NOP2: variants seen among roughly 807,000 people sequenced by gnomAD.
NOP2 encodes 28S rRNA (cytosine(4447)-C(5))-methyltransferase.
In NOP2, 7 loss-of-function variants were observed where a neutral mutation model predicts 72.7. The ratio of observed to expected loss-of-function variants is 0.10; its 90% CI spans 0.05 to 0.18. NOP2 has a LOEUF of 0.18. Ranked by LOEUF, NOP2 falls within the 10% of genes least tolerant of loss-of-function variation. The probability of loss-of-function intolerance (pLI) is 1.00; values close to 1 mark genes in which losing one functional copy is unlikely to be tolerated. For synonymous variants in NOP2, 387 were observed against 388.0 expected, an observed-to-expected ratio of 1.00 and a Z score of 0.03; for missense variants, 954 against 1,014.7, an observed-to-expected ratio of 0.94 and a Z score of 0.81.
At chr12:6,558,656 C>T (rs540755146) in intron 15 of NOP2, among the ~76,000 whole-genome samples, 95 of 148,982 alleles carry the variant, frequency 6.4e-4, no homozygotes, top group African/African-American at 2.3e-3. Flanking sequence ...GTTGCCCAGG[C>T]TGGAGTACAG....
rs1947518918 is a variant in NOP2, at chr12:6,557,452, T to C, written c.1980A>G (p.Glu660=). 6.2e-7 allele frequency: 1 copy of C among 1,613,910 alleles called. No homozygotes were observed. The highest frequency in any genetic ancestry group is 1.3e-5 in the African/African-American group (1 of 74,932). The change falls in exon 16 of 16, where the codon GAA becomes GAG. Residue 660 remains glutamate, a synonymous_variant. Transcript: ENST00000322166. ...LNGISKGADS[E]LSTVPSVTKT... ...TTGTGACAGAAGGTACAGTGGACAA[T>C]TCTGAGTCTGCCCCTTTGGAGATGC...
intron 2 of NOP2, 132 bp downstream of exon 2, chr12:6,567,684 C>G: frequency 1.5e-6 from 1 of 688,008 alleles, no homozygotes; most frequent in East Asian, 2.8e-5. Context: ...CTGTTTCATT[C>G]ATACCTCCTA....
intron 5 of NOP2, among the ~76,000 whole-genome samples, chr12:6,564,601 G>C (rs557412389): frequency 1.3e-5 from 2 of 152,034 alleles, no homozygotes; most frequent in African/African-American, 4.8e-5. Context: ...CTAATTTTTT[G>C]TATTTTTAGC....
Position 6,568,273 on chromosome 12 carries a change from T to G in NOP2, c.-71A>C, listed in dbSNP as rs1947844065. 1 of 202,710 alleles carries G rather than the reference T, an allele frequency of 4.9e-6. No individual in the cohort carries two copies. The highest frequency in any genetic ancestry group is 1.0e-5 in the Non-Finnish European group (1 of 99,584). 12.6% of individuals were successfully genotyped at this position (202,710 alleles called of 1,614,324 possible). On this transcript the variant is annotated 5_prime_UTR_variant, in exon 1 of 16. Transcript: ENST00000322166. ...CTCCACGTGCAATCCGGACCTAGCTTTCGGCCGGCACTCGCCACAGAATCG... is the reference window on the plus strand; with the variant it reads ...CTCCACGTGCAATCCGGACCTAGCTGTCGGCCGGCACTCGCCACAGAATCG...
intron 5 of NOP2, chr12:6,564,259 G>C: frequency 6.8e-6 from 1 of 146,648 alleles, no homozygotes; most frequent in Non-Finnish European, 1.2e-5. Context: ...CTGGGCAACA[G>C]AGAAAGACTT....
At chr12:6,564,738 G>T (rs903475499) in intron 5 of NOP2, among the ~76,000 whole-genome samples, 23 of 132,286 alleles carry the variant, frequency 1.7e-4, no homozygotes, top group African/African-American at 3.6e-4. Flanking sequence ...CCATTTTGTC[G>T]TTTTTTTTTT....
In NOP2 at chr12:6,560,447, T is replaced by G. The variant is rs758057161; in HGVS notation, c.1560A>C (p.Thr520=). Residue 520 remains threonine, a splice_region_variant and synonymous_variant, in exon 14 of 16, where the codon ACA becomes ACC. Transcript: ENST00000322166. This position sits in a 1 kb window ranked among gnomAD's most constrained non-coding sequence, Gnocchi z 5.0. ...TGCTCTGCCATGGCAGAGGTCTCAC[T>G]GTGATAGAACAGGTGCAGTAAACCA... ...GYLVYCTCSI[T]VEENEWVVDY... is the part of the protein sequence containing the mutation. 6.3e-7 allele frequency: 1 copy of G among 1,595,620 alleles called. No individual in the cohort carries two copies. Among genetic ancestry groups the G allele is most frequent in the Admixed American group, 1.7e-5 (1 of 57,494 alleles).
At chr12:6,565,920 G>A (rs1179132167) in intron 5 of NOP2, among the ~76,000 whole-genome samples, 181 bp downstream of exon 5, 1 of 138,058 alleles carries the variant, frequency 7.2e-6, no homozygotes, top group Non-Finnish European at 1.5e-5. Flanking sequence ...CTATCCTACA[G>A]CTCTTTCAAA....
Position 6,566,092 on chromosome 12 carries a change from G to T in NOP2, c.474+9C>A, listed in dbSNP as rs758329027. ...TCCTTCTATGAATGCCCAAAAAGAT[G>T]AATCTCACCGCTTCACCTTCCTCCT... On this transcript the variant is annotated intron_variant, in intron 5 of 15. Coordinates refer to ENST00000322166, the MANE Select transcript of NOP2 (RefSeq NM_001258308.2). 4 of 1,603,462 alleles carry T rather than the reference G, an allele frequency of 2.5e-6. No homozygotes were observed. The Admixed American group carries it at 5.1e-5, about 20-fold the overall frequency.
chr12:6,567,864 G>A lies in NOP2; in HGVS notation c.55C>T (p.Arg19Trp). The change falls in exon 2 of 16, where the codon CGG (arginine) becomes TGG (tryptophan). Residue 19 changes from arginine (R) to tryptophan (W), a missense_variant. Arg to Trp is a moderately radical substitution (Grantham distance 101). This residue lies in a region of NOP2 where 498 missense variants were observed against 478.3 expected (regional missense o/e 1.04). Transcript: ENST00000322166. ...TCTGTCTCGGCACCCTTCTGCTTCC[G>A]GGCCTTTCGGCCTGGCCCCCGCTTC... is the stretch of plus-strand genomic sequence containing the variant. ...KEKRGPGRKA[R>W]KQKGAETELV... 1 of 1,613,996 alleles carries A rather than the reference G, an allele frequency of 6.2e-7. No individual in the cohort carries two copies. The highest frequency in any genetic ancestry group is 8.5e-7 in the Non-Finnish European group (1 of 1,179,882).
Position 6,563,627 on chromosome 12 carries a change from C to T in NOP2, c.675G>A (p.Gly225=), listed in dbSNP as rs370871154. Residue 225 remains glycine (G), a synonymous_variant, in exon 7 of 16, where the codon GGG becomes GGA. Coordinates refer to ENST00000322166, the MANE Select transcript of NOP2 (RefSeq NM_001258308.2). ...CTGCAAGGATATCCTGCTCCATCTC[C>T]CCAGCAGGGGGCAGCACAAATGGTT... ...DEEPFVLPPA[G]EMEQDAQAPD... is the part of the protein sequence containing the mutation. 6.2e-7 allele frequency: 1 copy of T among 1,612,048 alleles called. No homozygotes were observed. The highest frequency in any genetic ancestry group is 1.3e-5 in the African/African-American group (1 of 74,882).
In NOP2 at chr12:6,563,724, T is replaced by A; in HGVS notation, c.578A>T (p.Glu193Val). 1 of 1,613,518 alleles carries A rather than the reference T, an allele frequency of 6.2e-7. No individual in the cohort carries two copies. The highest frequency in any genetic ancestry group is 1.1e-5 in the South Asian group (1 of 90,992). ...EETEDEEEEK[E>V]VTPESGPPKV... The stretch of plus-strand genomic sequence containing the variant: ...TGGGGGGCCTGACTCAGGGGTCACT[T>A]CTTTCTCTTCCTCCTCGTCCTCGGT... Residue 193 changes from glutamate (E) to valine (V), a missense_variant, in exon 7 of 16, where the codon GAA becomes GTA. Glu to Val is a moderately radical substitution (Grantham distance 121). Around this residue, in one of 3 missense-constraint regions of NOP2, gnomAD observed 498 missense variants for 478.3 expected, o/e 1.04. Transcript: ENST00000322166.
At chr12:6,561,565 G>A (rs1947650305) in intron 11 of NOP2, 99 bp downstream of exon 11, 4 of 1,478,840 alleles carry the variant, frequency 2.7e-6, no homozygotes, top group Non-Finnish European at 3.7e-6. Context: ...CCTGCACATT[G>A]TGTTCCATGA....
chr12:6,566,935 T>C (rs1947795338), intron 2 of NOP2, 113 bp from the exon 3 acceptor site: 1 of 830,868 alleles, frequency 1.2e-6, no homozygotes, highest in Admixed American at 2.5e-5. Flanking sequence ...GGAGTCCATT[T>C]AAATCTCAGC....
At position 6,558,541 on chromosome 12, in the gene NOP2, A is replaced by G. The variant is rs991670951; in HGVS notation, c.1790-899T>C. Among the ~76,000 whole-genome samples, 4 of 151,962 alleles carry G rather than the reference A, an allele frequency of 2.6e-5. No individual in the cohort carries two copies. In the South Asian group the frequency reaches 6.2e-4, roughly 24 times the overall value. The stretch of plus-strand genomic sequence containing the variant: ...CAGCCACCCAAAGTGCTGGGGTTAC[A>G]GGCGCGAGCCACCACGCCCGGCCTC... On this transcript the variant is annotated intron_variant, in intron 15 of 15. Transcript: ENST00000322166.
At chr12:6,559,182 A>G (rs1205524782) in intron 15 of NOP2, among the ~76,000 whole-genome samples, 3 of 151,508 alleles carry the variant, frequency 2.0e-5, no homozygotes, top group Admixed American at 2.0e-4. Flanking sequence ...GCAGTGGCAC[A>G]ATCTCAGCTC....
rs770997322 is a variant in NOP2, at chr12:6,566,360, C to T, written c.239-24G>A. On this transcript the variant is annotated intron_variant, in intron 4 of 15. Coordinates refer to ENST00000322166, the MANE Select transcript of NOP2 (RefSeq NM_001258308.2). ...CCCTAAGGGTTTGAAGAGTCCTGGA[C>T]TAATGGCAGCCACACATTCCCTGGC... The T allele has an allele frequency of 5.7e-6, 9 of 1,587,132 alleles. No individual in the cohort carries two copies. In the Admixed American group the frequency reaches 1.5e-4, roughly 27 times the overall value.
chr12:6,564,197 A>G, intron 5 of NOP2: 1 of 1,090,608 alleles, frequency 9.2e-7, no homozygotes, highest in Non-Finnish European at 1.2e-6. Flanking sequence ...AATTGCTTGA[A>G]CCCGGGAGGT....
chr12:6,560,120 A>G lies in NOP2; in HGVS notation c.1767T>C (p.Asn589=). 6.2e-7 allele frequency: 1 copy of G among 1,613,872 alleles called. No individual in the cohort carries two copies. Among genetic ancestry groups the G allele is most frequent in the Non-Finnish European group, 8.5e-7 (1 of 1,179,730 alleles). ...TACCTGTCTGGGACTGAGGGATAGA[A>G]TTGGAAAATTTCTTGAACTTGGCAA... The part of the protein sequence containing the change: ...FFIAKFKKFS[N]SIPQSQTGNS... Residue 589 remains asparagine, a synonymous_variant, in exon 15 of 16, where the codon AAT becomes AAC. Transcript: ENST00000322166. This position sits in a 1 kb window ranked among gnomAD's most constrained non-coding sequence, Gnocchi z 5.0.
Sources: gnomAD v4.1 joint callset for allele counts (sites outside exome capture counted in the v4.1 genomes callset) on GRCh38, gnomAD v4.1.1 for gene constraint, gnomAD v4.1.1 regional missense constraint, Gnocchi (gnomAD v3.1) non-coding constraint, MANE v1.5 for transcripts, NCBI Gene and HGNC (gene_info 2026-07-23, HGNC 2026-07-21) for gene names.